Variants in PTPRK observed in about 807,000 individuals in gnomAD.
PTPRK encodes the protein receptor-type tyrosine-protein phosphatase kappa.
PTPRK carries 75 observed loss-of-function variants against 178.0 expected under a neutral mutation model. The ratio of observed to expected loss-of-function variants is 0.42; its 90% CI spans 0.35 to 0.51. PTPRK has a LOEUF of 0.51. Among genes scored for constraint, PTPRK ranks in the 20% least tolerant of loss-of-function variants. PTPRK has a pLI of 0.02. For missense variants in PTPRK, 1,441 were observed against 1,797.8 expected (o/e 0.80, Z 3.59); for synonymous variants, 637 against 620.6 (o/e 1.03, Z -0.39).
At chr6:128,388,955 G>A (rs1422246937) in intron 2 of PTPRK, among the ~76,000 whole-genome samples, 1 of 152,100 alleles carries the variant, frequency 6.6e-6, no homozygotes, top group Non-Finnish European at 1.5e-5. Flanking sequence ...ACTGAGGTGG[G>A]AGGAACATAC....
chr6:128,289,300 CA>C (rs1204727375), intron 3 of PTPRK, among the ~76,000 whole-genome samples: 8 of 151,932 alleles, frequency 5.3e-5, no homozygotes, highest in African/African-American at 1.9e-4. Context: ...CAGAAATGTC[CA>C]ATTATATTGT....
At chr6:128,166,863 C>T (rs1180227281) in intron 7 of PTPRK, among the ~76,000 whole-genome samples, 1 of 151,538 alleles carries the variant, frequency 6.6e-6, no homozygotes, top group Non-Finnish European at 1.5e-5. Context: ...ACATATATCC[C>T]TATGTAAATA....
intron 3 of PTPRK, among the ~76,000 whole-genome samples, chr6:128,319,002 G>A (rs1160051624): frequency 6.6e-6 from 1 of 152,098 alleles, no homozygotes; most frequent in Non-Finnish European, 1.5e-5. Context: ...AAAAGGCATT[G>A]ATTGTTCTGA....
chr6:128,142,317 G>A (rs1795883994), intron 7 of PTPRK, among the ~76,000 whole-genome samples: 1 of 151,870 alleles, frequency 6.6e-6, no homozygotes, highest in Non-Finnish European at 1.5e-5. Context: ...CTGATAAGCT[G>A]TCTGGTAGAG....
intron 7 of PTPRK, among the ~76,000 whole-genome samples, chr6:128,125,400 G>A (rs1793173129): frequency 1.3e-5 from 2 of 152,006 alleles, no homozygotes; most frequent in Admixed American, 1.3e-4. Context: ...CTCCTGCCAT[G>A]TAAGACACCT....
chr6:128,293,770 T>C (rs771804467), intron 3 of PTPRK, among the ~76,000 whole-genome samples: 7 of 152,078 alleles, frequency 4.6e-5, no homozygotes, highest in Non-Finnish European at 1.0e-4. Flanking sequence ...TAAATAACAA[T>C]AACAATAAAA....
intron 13 of PTPRK, among the ~76,000 whole-genome samples, chr6:128,026,586 T>C (rs1168527798): frequency 1.3e-5 from 2 of 152,184 alleles, no homozygotes; most frequent in African/African-American, 4.8e-5. Context: ...TAGAAGTATT[T>C]GACACATAGC....
At chr6:128,248,523 A>G (rs948120146) in intron 3 of PTPRK, among the ~76,000 whole-genome samples, 3 of 152,230 alleles carry the variant, frequency 2.0e-5, no homozygotes, top group Non-Finnish European at 4.4e-5. Flanking sequence ...AGTACATGGC[A>G]TCACAAAAGC....
chr6:127,977,022 T>A lies in PTPRK; in HGVS notation c.3744A>T (p.Thr1248=), dbSNP rs761284378. 2 of 1,614,074 alleles carry A rather than the reference T, an allele frequency of 1.2e-6. No individual in the cohort carries two copies. The highest frequency in any genetic ancestry group is 1.7e-6 in the Non-Finnish European group (2 of 1,179,938). Residue 1248 remains threonine (T), a synonymous_variant, in exon 26 of 30, where the codon ACA becomes ACT. Coordinates refer to ENST00000368226, the MANE Select transcript of PTPRK (RefSeq NM_002844.4). The stretch of plus-strand genomic sequence containing the variant: ...TTACAGTGTTTGGCAGAGGGTATTG[T>A]GTGACGATGAAAGCAGCTGGTTGCC... The part of the protein sequence containing the change: ...SYRQPAAFIV[T]QYPLPNTVKD...
intron 6 of PTPRK, among the ~76,000 whole-genome samples, chr6:128,188,865 C>G (rs1322800701): frequency 6.6e-6 from 1 of 152,212 alleles, no homozygotes; most frequent in East Asian, 1.9e-4. Context: ...GTAGTCAAAT[C>G]TCCCTCTGCC....
chr6:128,243,509 AAAAAG>A (rs1554367484), intron 3 of PTPRK, among the ~76,000 whole-genome samples: 12 of 137,696 alleles, frequency 8.7e-5, no homozygotes, highest in East Asian at 5.1e-4. Context: ...AAAAAAAAAA[AAAAAG>A]AAAAGAAAAG....
chr6:128,069,044 T>G (rs749546685), intron 11 of PTPRK, among the ~76,000 whole-genome samples: 3 of 152,046 alleles, frequency 2.0e-5, no homozygotes, highest in Admixed American at 6.6e-5. Context: ...GACTCTGGCA[T>G]AAAATTCTAA....
chr6:128,492,496 A>G (rs1344959158), intron 1 of PTPRK, among the ~76,000 whole-genome samples: 1 of 152,194 alleles, frequency 6.6e-6, no homozygotes, highest in African/African-American at 2.4e-5. Context: ...AAGTATTTCT[A>G]TATCAGACAG....
intron 21 of PTPRK, among the ~76,000 whole-genome samples, chr6:127,987,782 G>A (rs1000872628): frequency 1.3e-5 from 2 of 152,094 alleles, no homozygotes; most frequent in Non-Finnish European, 2.9e-5. Flanking sequence ...TGTAGAAGCA[G>A]TAATATAATC....
intron 3 of PTPRK, among the ~76,000 whole-genome samples, chr6:128,290,056 C>T (rs1286605438): frequency 6.6e-6 from 1 of 151,978 alleles, no homozygotes; most frequent in Non-Finnish European, 1.5e-5. Context: ...TGAAAAATAG[C>T]CAGCTAAACT....
intron 8 of PTPRK, among the ~76,000 whole-genome samples, chr6:128,088,674 T>C (rs1282431156): frequency 2.6e-5 from 4 of 152,218 alleles, no homozygotes; most frequent in Non-Finnish European, 5.9e-5. Flanking sequence ...TTAGGAAATA[T>C]ATTATCAATC....
chr6:128,235,766 G>GA (rs950579279), intron 5 of PTPRK, among the ~76,000 whole-genome samples: 1 of 151,892 alleles, frequency 6.6e-6, no homozygotes, highest in African/African-American at 2.4e-5. Flanking sequence ...AATGATCTAG[G>GA]ATAGCCCCAA....
At chr6:128,292,196 A>G (rs939783165) in intron 3 of PTPRK, among the ~76,000 whole-genome samples, 4 of 152,120 alleles carry the variant, frequency 2.6e-5, no homozygotes, top group African/African-American at 7.2e-5. Context: ...TCATAGAAAA[A>G]TAAAACAAAT....
chr6:128,367,985 C>T (rs1056705904), intron 2 of PTPRK, among the ~76,000 whole-genome samples: 1 of 152,116 alleles, frequency 6.6e-6, no homozygotes, highest in African/African-American at 2.4e-5. Flanking sequence ...TGAAATTTGA[C>T]TCTCTAATGT....
Sources: allele counts gnomAD v4.1 joint callset (sites outside exome capture counted in the v4.1 genomes callset), GRCh38; gene constraint gnomAD v4.1.1; transcripts MANE v1.5; gene names NCBI Gene and HGNC (gene_info 2026-07-23, HGNC 2026-07-21).